Variants in SFMBT2 observed in about 807,000 individuals in gnomAD.
SFMBT2 encodes Scm like with four mbt domains 2, also known as scm-like with four MBT domains protein 2.
SFMBT2 carries 38 observed loss-of-function variants against 110.1 expected under a neutral mutation model. That is an observed-to-expected ratio of 0.35 (90% CI 0.27 to 0.45). The LOEUF is 0.45. Among genes scored for constraint, SFMBT2 ranks in the 20% least tolerant of loss-of-function variants. The pLI, the probability that SFMBT2 is intolerant of heterozygous loss-of-function variation, is 1.00. For synonymous variants in SFMBT2, 425 were observed against 425.4 expected, an observed-to-expected ratio of 1.00 and a Z score of 0.01; for missense variants, 1,011 against 1,094.9, an observed-to-expected ratio of 0.92 and a Z score of 1.08.
chr10:7,358,282 G>A (rs939373635), intron 4 of SFMBT2, among the ~76,000 whole-genome samples: 1 of 151,898 alleles, frequency 6.6e-6, no homozygotes, highest in Non-Finnish European at 1.5e-5. Context: ...CATCAACATG[G>A]CCCTAGAACA....
rs548051945 is a variant in SFMBT2, at chr10:7,159,650, A to G, written c.*4120T>C. 6.6e-6 allele frequency: 1 copy of G among 152,316 alleles called. No homozygotes were observed. Among genetic ancestry groups the G allele is most frequent in the East Asian group, 1.9e-4 (1 of 5,190 alleles). The allele number at this position is 152,316 out of a possible 1,614,324, so 9.4% of individuals were successfully genotyped here. On this transcript the variant is annotated 3_prime_UTR_variant, in exon 21 of 21. Transcript: ENST00000397167. ...TGCCTTTCAAATAATTGCACGCACG[A>G]TCACAGCTTTCTAAAGACAGAAGAG... is the stretch of plus-strand genomic sequence containing the variant.
chr10:7,329,809 C>T (rs928382769), intron 4 of SFMBT2, among the ~76,000 whole-genome samples: 2 of 152,218 alleles, frequency 1.3e-5, no homozygotes, highest in Non-Finnish European at 2.9e-5. Context: ...AATGAGGTGG[C>T]AGCTGTGTCA....
chr10:7,360,077 A>C (rs1429831327), intron 4 of SFMBT2, among the ~76,000 whole-genome samples: 1 of 152,246 alleles, frequency 6.6e-6, no homozygotes, highest in Admixed American at 6.5e-5. Flanking sequence ...ACCTGGTACC[A>C]CAGGAGGTGC....
intron 4 of SFMBT2, among the ~76,000 whole-genome samples, chr10:7,324,614 A>G (rs958141412): frequency 6.6e-6 from 1 of 152,210 alleles, no homozygotes; most frequent in Non-Finnish European, 1.5e-5. Flanking sequence ...GGTTGTTCTT[A>G]CCAGCTAGAA....
intron 4 of SFMBT2, among the ~76,000 whole-genome samples, chr10:7,289,587 TA>T (rs1435187365): frequency 6.6e-6 from 1 of 152,180 alleles, no homozygotes; most frequent in Non-Finnish European, 1.5e-5. Flanking sequence ...CTCTCCATGG[TA>T]GACGTATCTA....
At chr10:7,375,918 A>G (rs1006147863) in intron 2 of SFMBT2, among the ~76,000 whole-genome samples, 1 of 152,146 alleles carries the variant, frequency 6.6e-6, no homozygotes, top group African/African-American at 2.4e-5. Context: ...GAATTTTTCT[A>G]AGAAAAATGT....
chr10:7,347,019 C>CAAAAT (rs1206907159), intron 4 of SFMBT2, among the ~76,000 whole-genome samples: 1 of 145,804 alleles, frequency 6.9e-6, no homozygotes, highest in Non-Finnish European at 1.5e-5. Flanking sequence ...CAAAACAAAA[C>CAAAAT]AAAACAAAAA....
chr10:7,281,486 T>C (rs1036412676), intron 6 of SFMBT2, among the ~76,000 whole-genome samples: 3 of 152,190 alleles, frequency 2.0e-5, no homozygotes, highest in Non-Finnish European at 2.9e-5. Flanking sequence ...TAGTATTTTC[T>C]ATGCAGGTAT....
At chr10:7,402,199 C>G (rs1846100038) in intron 1 of SFMBT2, among the ~76,000 whole-genome samples, 1 of 151,748 alleles carries the variant, frequency 6.6e-6, no homozygotes, top group African/African-American at 2.4e-5. Flanking sequence ...GATACAAATG[C>G]TTCCTCTATA....
In SFMBT2 at chr10:7,159,495, T is replaced by C. The variant is rs1202224994; in HGVS notation, c.*4275A>G. On this transcript the variant is annotated 3_prime_UTR_variant, in exon 21 of 21. Coordinates refer to ENST00000397167, the MANE Select transcript of SFMBT2 (RefSeq NM_001387889.1). Reference sequence around the variant, plus strand: ...AAAAGGGCAGTAAACAAAAGAATTATTGAATTATAATAGTTGCCAATACAG... The same window carrying C: ...AAAAGGGCAGTAAACAAAAGAATTACTGAATTATAATAGTTGCCAATACAG... 1 of 152,216 alleles carries C rather than the reference T, an allele frequency of 6.6e-6. No homozygotes were observed. The highest frequency in any genetic ancestry group is 2.4e-5 in the African/African-American group (1 of 41,462). 9.4% of individuals were successfully genotyped at this position (152,216 alleles called of 1,614,324 possible). A position where few individuals can be genotyped will look rare whatever the true frequency, so the allele number is the denominator to read the frequency against.
rs572685755 is a variant in SFMBT2 at position 7,390,625 on chromosome 10, A to G, written c.-51-8676T>C. 1.7e-3 allele frequency among the ~76,000 whole-genome samples: 258 copies of G among 152,338 alleles called. 1 individual carries two copies. The highest frequency in any genetic ancestry group is 5.8e-3 in the African/African-American group (242 of 41,568). On this transcript the variant is annotated intron_variant, in intron 1 of 20. Coordinates refer to ENST00000397167, the MANE Select transcript of SFMBT2 (RefSeq NM_001387889.1). Reference sequence around the variant, plus strand: ...TACCAAGTTTTTCTATAAAGAAAAAAAAGTCCATGAATATGGCTATTAATA... The same window carrying G: ...TACCAAGTTTTTCTATAAAGAAAAAGAAGTCCATGAATATGGCTATTAATA...
intron 7 of SFMBT2, among the ~76,000 whole-genome samples, chr10:7,267,900 G>T (rs529984645): frequency 6.6e-6 from 1 of 152,288 alleles, no homozygotes; most frequent in East Asian, 1.9e-4. Flanking sequence ...GAGAGCTTCT[G>T]TCTTCTCCCA....
At chr10:7,397,352 C>T (rs868430306) in intron 1 of SFMBT2, among the ~76,000 whole-genome samples, 17 of 151,460 alleles carry the variant, frequency 1.1e-4, no homozygotes, top group Middle Eastern at 3.4e-3. Flanking sequence ...AAAGGGCTTG[C>T]GGTTGTTTGT....
chr10:7,283,804 A>G lies in SFMBT2; in HGVS notation c.772+100T>C, dbSNP rs189214534. On this transcript the variant is annotated intron_variant, in intron 6 of 20. Transcript: ENST00000397167. ...CTTAATATTCACATACTCAGATATA[A>G]AAGATACCAGAAAGCTCATACATTT... 1.8e-5 allele frequency: 15 copies of G among 852,920 alleles called. No individual in the cohort carries two copies. The East Asian group carries it at 3.4e-4, about 19-fold the overall frequency. The allele number at this position is 852,920 out of a possible 1,614,324, so 52.8% of individuals were successfully genotyped here. A position where few individuals can be genotyped will look rare whatever the true frequency, so the allele number is the denominator to read the frequency against.
At chr10:7,229,640 C>T (rs1423633094) in intron 9 of SFMBT2, among the ~76,000 whole-genome samples, 2 of 150,234 alleles carry the variant, frequency 1.3e-5, no homozygotes, top group Non-Finnish European at 3.0e-5. Context: ...ACTGAAGATA[C>T]TGGTTGCCTC....
intron 4 of SFMBT2, among the ~76,000 whole-genome samples, chr10:7,323,332 T>A (rs560391409): frequency 6.6e-6 from 1 of 151,324 alleles, no homozygotes; most frequent in Non-Finnish European, 1.5e-5. Context: ...GTGCCTATAG[T>A]CCCAGCTAAT....
In SFMBT2 at chr10:7,349,289, A is replaced by T. The variant is rs190416736; in HGVS notation, c.436+18360T>A. Among the ~76,000 whole-genome samples the T allele has an allele frequency of 3.1e-3, 467 of 152,166 alleles. 2 individuals carry two copies. Among genetic ancestry groups the T allele is most frequent in the African/African-American group, 0.011 (441 of 41,524 alleles). On this transcript the variant is annotated intron_variant, in intron 4 of 20. Coordinates refer to ENST00000397167, the MANE Select transcript of SFMBT2 (RefSeq NM_001387889.1). ...TGCTCAGCACAGACTGCCCAACTCTACAGCCCCCAGGAATTTCATCCCAAC... is the reference window on the plus strand; with the variant it reads ...TGCTCAGCACAGACTGCCCAACTCTTCAGCCCCCAGGAATTTCATCCCAAC...
At chr10:7,378,062 T>A (rs1279037477) in intron 2 of SFMBT2, among the ~76,000 whole-genome samples, 1 of 145,154 alleles carries the variant, frequency 6.9e-6, no homozygotes, top group Admixed American at 6.8e-5. Context: ...TGGATGTGAG[T>A]GTGTGTGTGC....
chr10:7,281,172 G>A (rs1213491720), intron 6 of SFMBT2, among the ~76,000 whole-genome samples: 3 of 152,152 alleles, frequency 2.0e-5, no homozygotes, highest in African/African-American at 7.2e-5. Flanking sequence ...CTTGAACCTG[G>A]GAGGTTGAGG....
Sources: gnomAD v4.1 joint callset for allele counts (sites outside exome capture counted in the v4.1 genomes callset) on GRCh38, gnomAD v4.1.1 for gene constraint, MANE v1.5 for transcripts, NCBI Gene and HGNC (gene_info 2026-07-23, HGNC 2026-07-21) for gene names.